Variants in SYNJ2BP observed in about 807,000 individuals in gnomAD.
SYNJ2BP encodes the protein synaptojanin-2-binding protein.
A neutral mutation model predicts 16.9 loss-of-function variants in SYNJ2BP; 10 were observed. That is an observed-to-expected ratio of 0.59 (90% CI 0.36 to 1.00). The LOEUF (loss-of-function observed/expected upper bound fraction) is 1.00. SYNJ2BP is among the 50% of genes least tolerant of loss of function. The pLI, the probability that SYNJ2BP is intolerant of heterozygous loss-of-function variation, is 0.01. For missense variants in SYNJ2BP, 162 were observed against 186.7 expected, an observed-to-expected ratio of 0.87 and a Z score of 0.77; for synonymous variants, 54 against 68.4, an observed-to-expected ratio of 0.79 and a Z score of 1.04.
intron 1 of SYNJ2BP, 88 bp downstream of exon 1, chr14:70,416,812 G>A: frequency 1.2e-6 from 2 of 1,600,490 alleles, no homozygotes; most frequent in Non-Finnish European, 1.7e-6. Context: ...CCCGCCCCGA[G>A]GCCAGGTGAA....
At chr14:70,400,152 T>C (rs906270537) in intron 1 of SYNJ2BP, among the ~76,000 whole-genome samples, 5 of 152,234 alleles carry the variant, frequency 3.3e-5, no homozygotes, top group African/African-American at 9.7e-5. Context: ...CAGAAACCTG[T>C]ACTCAAGGAC....
chr14:70,388,817 G>A (rs1040028158), intron 1 of SYNJ2BP, among the ~76,000 whole-genome samples: 12 of 151,960 alleles, frequency 7.9e-5, no homozygotes, highest in Non-Finnish European at 1.5e-4. Flanking sequence ...AATGAGGCAC[G>A]ACTGAAAATA....
rs374944316 is a variant in SYNJ2BP at position 70,372,762 on chromosome 14, C to T, written c.*229G>A. 10 of 531,666 alleles carry T rather than the reference C, an allele frequency of 1.9e-5. No homozygotes were observed. Among genetic ancestry groups the T allele is most frequent in the African/African-American group, 1.7e-4 (9 of 51,802 alleles). The allele number at this position is 531,666 out of a possible 1,614,324, so 32.9% of individuals were successfully genotyped here. A position where few individuals can be genotyped will look rare whatever the true frequency, so the allele number is the denominator to read the frequency against. Reference sequence around the variant, plus strand: ...TCAAAAGTCCTAGTAAAATATATAACTCCTCATTTGTTCTAAGCCAAGTCT... The same window carrying T: ...TCAAAAGTCCTAGTAAAATATATAATTCCTCATTTGTTCTAAGCCAAGTCT... On this transcript the variant is annotated 3_prime_UTR_variant, in exon 4 of 4. Coordinates refer to ENST00000256366, the MANE Select transcript of SYNJ2BP (RefSeq NM_018373.3).
chr14:70,388,934 T>C (rs183141280), intron 1 of SYNJ2BP, among the ~76,000 whole-genome samples: 36 of 151,834 alleles, frequency 2.4e-4, no homozygotes, highest in African/African-American at 8.4e-4. Context: ...TTCTTTTTTT[T>C]TTTTTTTCAG....
At position 70,375,744 on chromosome 14, in the gene SYNJ2BP, G is replaced by A. The variant is rs748802147; in HGVS notation, c.229C>T (p.Leu77=). Reference sequence around the variant, plus strand: ...AAGAGGTCTACAGCATCCTGGTGCAGCAGGTTCTTTAGGTCTTGGCCATTT... The same window carrying A: ...AAGAGGTCTACAGCATCCTGGTGCAACAGGTTCTTTAGGTCTTGGCCATTT... The part of the protein sequence containing the change: ...SVNGQDLKNL[L]HQDAVDLFRN... Residue 77 remains leucine (L), a synonymous_variant, in exon 3 of 4, where the codon CTG becomes TTG. Transcript: ENST00000256366. 1.9e-5 allele frequency: 30 copies of A among 1,614,006 alleles called. No individual in the cohort carries two copies. The highest frequency in any genetic ancestry group is 5.3e-5 in the African/African-American group (4 of 74,926).
At chr14:70,406,096 C>T (rs966200624) in intron 1 of SYNJ2BP, among the ~76,000 whole-genome samples, 5 of 152,102 alleles carry the variant, frequency 3.3e-5, no homozygotes, top group African/African-American at 4.8e-5. Context: ...CCAACAGATA[C>T]GTATTAGGCT....
At chr14:70,382,333 G>A (rs1887769771) in intron 2 of SYNJ2BP, among the ~76,000 whole-genome samples, 1 of 152,156 alleles carries the variant, frequency 6.6e-6, no homozygotes, top group South Asian at 2.1e-4. Flanking sequence ...GAAAAGTATT[G>A]TTGTGTTAAA....
intron 1 of SYNJ2BP, among the ~76,000 whole-genome samples, chr14:70,400,515 A>T (rs1181256097): frequency 1.3e-5 from 2 of 148,216 alleles, no homozygotes; most frequent in Non-Finnish European, 3.0e-5. Flanking sequence ...TTCACTTTAT[A>T]AAAAAAAACA....
At chr14:70,373,666 G>T (rs1260982938) in intron 3 of SYNJ2BP, among the ~76,000 whole-genome samples, 2 of 152,190 alleles carry the variant, frequency 1.3e-5, no homozygotes, top group Admixed American at 1.3e-4. Flanking sequence ...TCCCTCCAAA[G>T]ATGGGGTTTT....
Position 70,366,565 on chromosome 14 carries a change from T to A in SYNJ2BP, c.*6426A>T, listed in dbSNP as rs954041104. ...CTAGGCACAATTAGACACATTATTA[T>A]CTCATTTGCTGTATCTGGTATCAAA... On this transcript the variant is annotated 3_prime_UTR_variant, in exon 4 of 4. Transcript: ENST00000256366. 6.6e-6 allele frequency: 1 copy of A among 152,226 alleles called. No homozygotes were observed. The highest frequency in any genetic ancestry group is 1.5e-5 in the Non-Finnish European group (1 of 68,032). The allele number at this position is 152,226 out of a possible 1,614,324, so 9.4% of individuals were successfully genotyped here.
At position 70,375,657 on chromosome 14, in the gene SYNJ2BP, G is replaced by A; in HGVS notation, c.297+19C>T. ...TGCAAAAGCCTGGTGCCAGGTTTCT[G>A]GCTCAAAGTGATACCTACCCTGTGC... On this transcript the variant is annotated intron_variant, in intron 3 of 3. Coordinates refer to ENST00000256366, the MANE Select transcript of SYNJ2BP (RefSeq NM_018373.3). 6.2e-7 allele frequency: 1 copy of A among 1,606,202 alleles called. No homozygotes were observed.
At chr14:70,400,142 C>T (rs943301830) in intron 1 of SYNJ2BP, among the ~76,000 whole-genome samples, 2 of 152,232 alleles carry the variant, frequency 1.3e-5, no homozygotes, top group Non-Finnish European at 2.9e-5. Flanking sequence ...CCAAAGTTAT[C>T]AGAAACCTGT....
chr14:70,387,829 T>TAAA (rs1887892723), intron 2 of SYNJ2BP, among the ~76,000 whole-genome samples: 4 of 118,456 alleles, frequency 3.4e-5, no homozygotes, highest in South Asian at 2.5e-4. Context: ...AGAATCTATC[T>TAAA]CAAAAAAAAA....
intron 2 of SYNJ2BP, among the ~76,000 whole-genome samples, chr14:70,386,023 C>A (rs1250230311): frequency 2.0e-5 from 3 of 152,284 alleles, no homozygotes; most frequent in Non-Finnish European, 2.9e-5. Flanking sequence ...CAATAATCTA[C>A]GTTTAACCAA....
At chr14:70,402,228 T>C (rs371772170) in intron 1 of SYNJ2BP, among the ~76,000 whole-genome samples, 2 of 152,186 alleles carry the variant, frequency 1.3e-5, no homozygotes, top group African/African-American at 4.8e-5. Flanking sequence ...AAGAGACCTT[T>C]GTGTATGTTA....
Position 70,368,687 on chromosome 14 carries a change from AGTTTTT to A in SYNJ2BP, c.*4298_*4303del, listed in dbSNP as rs1301537795. 4 of 107,352 alleles carry A rather than the reference AGTTTTT, an allele frequency of 3.7e-5. No homozygotes were observed. Among genetic ancestry groups the A allele is most frequent in the Admixed American group, 9.8e-5 (1 of 10,250 alleles). The allele number at this position is 107,352 out of a possible 1,614,324, so 6.6% of individuals were successfully genotyped here. A position where few individuals can be genotyped will look rare whatever the true frequency, so the allele number is the denominator to read the frequency against. ...CAGGAAGCTGGGCTCTAAAGGCCCA[AGTTTTT>A]GTTGTTGTTGTTGTTGTTGTTGTTT... On this transcript the variant is annotated 3_prime_UTR_variant, in exon 4 of 4. Coordinates refer to ENST00000256366, the MANE Select transcript of SYNJ2BP (RefSeq NM_018373.3).
chr14:70,391,094 C>T (rs1341114051), intron 1 of SYNJ2BP, among the ~76,000 whole-genome samples: 1 of 152,094 alleles, frequency 6.6e-6, no homozygotes, highest in Non-Finnish European at 1.5e-5. Flanking sequence ...CACTGCACTC[C>T]AGCCAGGGTG....
chr14:70,378,633 G>A (rs1887684030), intron 2 of SYNJ2BP, among the ~76,000 whole-genome samples: 1 of 152,060 alleles, frequency 6.6e-6, no homozygotes, highest in Admixed American at 6.6e-5. Context: ...TCTCTCTGCT[G>A]TCAACTTTCA....
At position 70,370,446 on chromosome 14, in the gene SYNJ2BP, A is replaced by C. The variant is rs182995880; in HGVS notation, c.*2545T>G. ...GAACCTACAATGAGTCCAGTTGTCT[A>C]AGTGAGTCTCAAAGGTATTGAATAG... On this transcript the variant is annotated 3_prime_UTR_variant, in exon 4 of 4. Coordinates refer to ENST00000256366, the MANE Select transcript of SYNJ2BP (RefSeq NM_018373.3). The C allele has an allele frequency of 6.6e-6, 1 of 152,306 alleles. No homozygotes were observed. The highest frequency in any genetic ancestry group is 6.5e-5 in the Admixed American group (1 of 15,302). 9.4% of individuals were successfully genotyped at this position (152,306 alleles called of 1,614,324 possible).
Sources: gnomAD v4.1 joint callset for allele counts (sites outside exome capture counted in the v4.1 genomes callset) on GRCh38, gnomAD v4.1.1 for gene constraint, MANE v1.5 for transcripts, NCBI Gene and HGNC (gene_info 2026-07-23, HGNC 2026-07-21) for gene names.